The following GEMIN5 variants were observed in gnomAD, a reference collection of about 807,000 sequenced individuals.
GEMIN5 encodes gem nuclear organelle associated protein 5, also known as gem-associated protein 5.
GEMIN5 carries 124 observed loss-of-function variants against 176.9 expected under a neutral mutation model. The observed-to-expected ratio is 0.70, with a 90% confidence interval of 0.61 to 0.81. The LOEUF (loss-of-function observed/expected upper bound fraction) is 0.81, where lower values mean the gene tolerates loss of function less well. GEMIN5 is among the 40% of genes least tolerant of loss of function. GEMIN5 has a pLI of 0.00. For missense variants in GEMIN5, 1,843 were observed against 1,814.6 expected (o/e 1.02, Z -0.28); for synonymous variants, 673 against 665.2 (o/e 1.01, Z -0.18).
chr5:154,930,063 TCGATTACCTGCTCCATCCTGACTCATTC>T (rs1481000622), intron 5 of GEMIN5, among the ~76,000 whole-genome samples: 68 of 152,232 alleles, frequency 4.5e-4, no homozygotes, highest in Non-Finnish European at 8.8e-4. Flanking sequence ...GCAACCTTTT[TCGATTACCTGCTCCATCCTGACTCATTC>T]CGATTACCTG....
rs767430075 is a variant in GEMIN5 at position 154,907,855 on chromosome 5, C to T, written c.2168-37G>A. On this transcript the variant is annotated intron_variant, in intron 15 of 27. Coordinates refer to ENST00000285873, the MANE Select transcript of GEMIN5 (RefSeq NM_015465.5). ...ACAATAAAGGACTGACTAAAGTATA[C>T]ATTCTTGGTTAAAAGCACTCTAGGT... 2.0e-6 allele frequency: 3 copies of T among 1,494,222 alleles called. No homozygotes were observed. In the African/African-American group the frequency reaches 4.2e-5, roughly 21 times the overall value. 92.6% of individuals were successfully genotyped at this position (1,494,222 alleles called of 1,614,324 possible).
intron 3 of GEMIN5, among the ~76,000 whole-genome samples, chr5:154,934,281 G>C (rs1313531800): frequency 2.6e-5 from 4 of 152,094 alleles, no homozygotes; most frequent in Admixed American, 2.6e-4. Context: ...CTACCTCCTG[G>C]GTTCAAGTGA....
intron 14 of GEMIN5, 53 bp from the exon 15 acceptor site, chr5:154,911,951 TG>T: frequency 6.7e-7 from 1 of 1,497,812 alleles, no homozygotes; most frequent in Non-Finnish European, 9.1e-7. Context: ...TTCTATTGTT[TG>T]GGCAGTATGT....
intron 21 of GEMIN5, among the ~76,000 whole-genome samples, chr5:154,900,942 G>T (rs1187582764): frequency 6.6e-6 from 1 of 152,142 alleles, no homozygotes; most frequent in Non-Finnish European, 1.5e-5. Context: ...GCCATGAAAA[G>T]ATCAAGCTGA....
rs1438012553 is a variant in GEMIN5, at chr5:154,898,490, T to G, written c.3295A>C (p.Asn1099His). 1.2e-6 allele frequency: 2 copies of G among 1,614,220 alleles called. No individual in the cohort carries two copies. Among genetic ancestry groups the G allele is most frequent in the Admixed American group, 1.7e-5 (1 of 60,030 alleles). ...LRCAQELLLA[N>H]NWVGAQEALQ... ...GCTTCCTGGGCTCCCACCCAGTTGT[T>G]GGCCAGAAGCAGCTCTTGGGCACAT... Residue 1099 changes from asparagine to histidine, a missense_variant, in exon 23 of 28, where the codon AAC becomes CAC. By Grantham distance (68) the Asn-to-His change is moderately conservative. Transcript: ENST00000285873.
chr5:154,935,539 T>G (rs1239085475), intron 3 of GEMIN5, among the ~76,000 whole-genome samples: 1 of 152,264 alleles, frequency 6.6e-6, no homozygotes, highest in East Asian at 1.9e-4. Context: ...TCATGTTGTA[T>G]CAACGGGCAG....
chr5:154,936,190 G>C (rs987334388), intron 2 of GEMIN5, among the ~76,000 whole-genome samples, 168 bp from the exon 3 acceptor site: 1 of 152,182 alleles, frequency 6.6e-6, no homozygotes, highest in African/African-American at 2.4e-5. Context: ...GCCGAGGCGG[G>C]TGGATCACCA....
chr5:154,892,465 G>C lies in GEMIN5; in HGVS notation c.3682C>G (p.Leu1228Val), dbSNP rs1444488595. The C allele has an allele frequency of 6.2e-7, 1 of 1,614,216 alleles. No homozygotes were observed. Among genetic ancestry groups the C allele is most frequent in the Non-Finnish European group, 8.5e-7 (1 of 1,180,034 alleles). ...ASWDEAVQAL[L>V]RAVVRSYDSG... is the part of the protein sequence containing the mutation. Reference sequence around the variant, plus strand: ...TCATAGCTCCGGACCACCGCCCGAAGGAGCGCCTGCACAGCCTCGTCCCAG... The same window carrying C: ...TCATAGCTCCGGACCACCGCCCGAACGAGCGCCTGCACAGCCTCGTCCCAG... Residue 1228 changes from leucine (L) to valine (V), a missense_variant, in exon 25 of 28, where the codon CTT (leucine) becomes GTT (valine). Coordinates refer to ENST00000285873, the MANE Select transcript of GEMIN5 (RefSeq NM_015465.5).
chr5:154,934,118 C>T (rs185099367), intron 3 of GEMIN5, among the ~76,000 whole-genome samples: 61 of 152,204 alleles, frequency 4.0e-4, no homozygotes, highest in Non-Finnish European at 6.6e-4. Flanking sequence ...CAGGTTCAAG[C>T]GATTCTCCTG....
chr5:154,904,036 A>C (rs1447906581), intron 18 of GEMIN5, among the ~76,000 whole-genome samples: 1 of 152,138 alleles, frequency 6.6e-6, no homozygotes, highest in African/African-American at 2.4e-5. Flanking sequence ...GACTTTGAAA[A>C]ACAAAAATAA....
chr5:154,894,130 A>G (rs749831449), intron 24 of GEMIN5, among the ~76,000 whole-genome samples: 37 of 152,018 alleles, frequency 2.4e-4, no homozygotes, highest in Non-Finnish European at 2.8e-4. Flanking sequence ...TTTTTACTAG[A>G]GACAGGTTTT....
At chr5:154,898,354 C>T (rs570871028) in intron 23 of GEMIN5, 86 bp downstream of exon 23, 30 of 1,214,742 alleles carry the variant, frequency 2.5e-5, no homozygotes, top group Non-Finnish European at 3.5e-5. Context: ...ACAGCTTGTG[C>T]AACTGGGTTA....
At chr5:154,920,289 A>T (rs1428645912) in intron 10 of GEMIN5, among the ~76,000 whole-genome samples, 186 bp from the exon 11 acceptor site, 2 of 152,192 alleles carry the variant, frequency 1.3e-5, no homozygotes, top group Non-Finnish European at 2.9e-5. Context: ...AGCAGAAGTA[A>T]AAAAACTATA....
intron 21 of GEMIN5, among the ~76,000 whole-genome samples, chr5:154,901,000 G>A (rs942426351): frequency 3.9e-5 from 6 of 152,114 alleles, no homozygotes; most frequent in African/African-American, 1.4e-4. Context: ...CTCTCTAAAG[G>A]AAGATAACAA....
chr5:154,925,692 G>A lies in GEMIN5; in HGVS notation c.1293+170C>T, dbSNP rs376076567. Among the ~76,000 whole-genome samples the A allele has an allele frequency of 5.9e-5, 9 of 152,260 alleles. No homozygotes were observed. The East Asian group carries it at 1.7e-3, about 29-fold the overall frequency. On this transcript the variant is annotated intron_variant, in intron 8 of 27. Transcript: ENST00000285873. Reference sequence around the variant, plus strand: ...AGAGCCTTAATAAATTTAAACTCTGGAGGATAATGGGTTTGGTTACAGGAT... The same window carrying A: ...AGAGCCTTAATAAATTTAAACTCTGAAGGATAATGGGTTTGGTTACAGGAT...
chr5:154,923,103 G>A (rs949084172), intron 9 of GEMIN5, among the ~76,000 whole-genome samples: 2 of 151,792 alleles, frequency 1.3e-5, no homozygotes, highest in Admixed American at 1.3e-4. Flanking sequence ...GCTCTGGCCG[G>A]GCACGGTAGC....
intron 15 of GEMIN5, among the ~76,000 whole-genome samples, chr5:154,909,868 A>T (rs140830060): frequency 3.6e-4 from 55 of 152,042 alleles, no homozygotes; most frequent in African/African-American, 1.3e-3. Context: ...AGTCACAGCT[A>T]CTCAAAAGGC....
At chr5:154,932,765 T>A (rs1214883003) in intron 3 of GEMIN5, among the ~76,000 whole-genome samples, 1 of 152,130 alleles carries the variant, frequency 6.6e-6, no homozygotes, top group Non-Finnish European at 1.5e-5. Flanking sequence ...GGTTTCACCA[T>A]GTTGCTCATG....
chr5:154,921,391 T>A lies in GEMIN5; in HGVS notation c.1414A>T (p.Thr472Ser). ...GGCCCCCAGGCTAAAGTATATACAG[T>A]CTTCTTATGATATGTGCTAGAAATC... The part of the protein sequence containing the change: ...PQISSTYHKK[T>S]VYTLAWGPPV... The change falls in exon 10 of 28, where the codon ACT (threonine) becomes TCT (serine). Residue 472 changes from threonine to serine, a missense_variant. Thr to Ser is a moderately conservative substitution (Grantham distance 58). Transcript: ENST00000285873. The A allele has an allele frequency of 6.7e-7, 1 of 1,489,924 alleles. No individual in the cohort carries two copies. Among genetic ancestry groups the A allele is most frequent in the Non-Finnish European group, 9.2e-7 (1 of 1,084,060 alleles). The allele number at this position is 1,489,924 out of a possible 1,614,324, so 92.3% of individuals were successfully genotyped here.
Sources: allele counts gnomAD v4.1 joint callset (sites outside exome capture counted in the v4.1 genomes callset), GRCh38; gene constraint gnomAD v4.1.1; transcripts MANE v1.5; gene names NCBI Gene and HGNC (gene_info 2026-07-23, HGNC 2026-07-21).